The following IDE variants were observed in gnomAD, a reference collection of about 807,000 sequenced individuals.
IDE encodes insulin-degrading enzyme.
Under a neutral mutation model 133.2 loss-of-function variants are expected in IDE, and 58 were observed. The observed-to-expected ratio is 0.44, with a 90% CI of 0.35 to 0.54. The LOEUF is 0.54. Ranked by LOEUF, IDE falls within the 20% of genes least tolerant of loss-of-function variation. The pLI is 0.00. For synonymous variants in IDE, 396 were observed against 421.3 expected, an observed-to-expected ratio of 0.94 and a Z score of 0.73; for missense variants, 981 against 1,234.0, an observed-to-expected ratio of 0.79 and a Z score of 3.07.
chr10:92,512,773 G>C (rs996437235), intron 5 of IDE, among the ~76,000 whole-genome samples: 2 of 151,876 alleles, frequency 1.3e-5, no homozygotes. Context: ...AACTATAAAA[G>C]TAACATTTGC....
chr10:92,506,573 C>CT (rs34053974), intron 9 of IDE, 51 bp from the exon 10 acceptor site: 30,770 of 675,840 alleles, frequency 0.046, 30 homozygotes, highest in South Asian at 0.058. Context: ...ATTTAGAAAC[C>CT]TTTTTTTTTT....
chr10:92,551,698 T>C (rs1462856947), intron 1 of IDE, among the ~76,000 whole-genome samples: 1 of 151,980 alleles, frequency 6.6e-6, no homozygotes, highest in East Asian at 1.9e-4. Flanking sequence ...TGCAAGGGTC[T>C]GAAGGGAGGG....
intron 1 of IDE, chr10:92,573,250 G>C: frequency 3.4e-6 from 3 of 891,682 alleles, no homozygotes; most frequent in Non-Finnish European, 4.0e-6. Flanking sequence ...CCACAATCTC[G>C]GCAGTTGCTG....
chr10:92,455,619 C>T lies in IDE; in HGVS notation c.2921G>A (p.Cys974Tyr). ...DSCPVVGEFP[C>Y]QNDINLSQAP... Reference sequence around the variant, plus strand: ...TTGTGACAAATTTATGTCATTTTGACATGGGAACTCTCCAACAACAGGACC... The same window carrying T: ...TTGTGACAAATTTATGTCATTTTGATATGGGAACTCTCCAACAACAGGACC... Residue 974 changes from cysteine to tyrosine, a missense_variant, in exon 24 of 25, where the codon TGT becomes TAT. Physicochemically the swap from Cys to Tyr is radical, Grantham distance 194 (BLOSUM62 -2). Coordinates refer to ENST00000265986, the MANE Select transcript of IDE (RefSeq NM_004969.4). 6.3e-7 allele frequency: 1 copy of T among 1,599,448 alleles called. No individual in the cohort carries two copies. The highest frequency in any genetic ancestry group is 8.6e-7 in the Non-Finnish European group (1 of 1,167,024).
intron 13 of IDE, among the ~76,000 whole-genome samples, chr10:92,485,272 C>T (rs971050446): frequency 2.0e-5 from 3 of 151,776 alleles, no homozygotes; most frequent in Non-Finnish European, 2.9e-5. Context: ...GGATAAGGCA[C>T]GCGCCACCAC....
intron 1 of IDE, among the ~76,000 whole-genome samples, chr10:92,549,024 G>T (rs561508494): frequency 1.3e-5 from 2 of 152,168 alleles, no homozygotes. Flanking sequence ...TTGGGAGGCT[G>T]AGGCGGGCGG....
intron 10 of IDE, among the ~76,000 whole-genome samples, chr10:92,506,061 C>T (rs976505637): frequency 1.3e-5 from 2 of 152,032 alleles, no homozygotes; most frequent in Non-Finnish European, 2.9e-5. Flanking sequence ...AAATAGGGAT[C>T]GCAGGTAAAA....
intron 1 of IDE, among the ~76,000 whole-genome samples, chr10:92,542,782 G>A (rs1441907371): frequency 2.0e-5 from 3 of 152,154 alleles, no homozygotes; most frequent in Admixed American, 6.5e-5. Flanking sequence ...AACAAGAAGC[G>A]TGGTGCTAAT....
intron 4 of IDE, among the ~76,000 whole-genome samples, chr10:92,522,701 G>A (rs1390620515): frequency 6.6e-6 from 1 of 152,114 alleles, no homozygotes; most frequent in African/African-American, 2.4e-5. Flanking sequence ...CACAGATCCT[G>A]ACTCCAGCAC....
intron 6 of IDE, among the ~76,000 whole-genome samples, chr10:92,509,630 C>G (rs1036078058): frequency 8.6e-5 from 13 of 151,640 alleles, no homozygotes; most frequent in Non-Finnish European, 1.6e-4. Context: ...ACAAAAAACA[C>G]TACATAGGGG....
chr10:92,572,131 G>A (rs1045604227), intron 1 of IDE, among the ~76,000 whole-genome samples: 9 of 152,126 alleles, frequency 5.9e-5, no homozygotes, highest in African/African-American at 1.9e-4. Flanking sequence ...TAACTACAGA[G>A]AAAATGTAAT....
intron 1 of IDE, among the ~76,000 whole-genome samples, chr10:92,565,862 T>C (rs1397309496): frequency 6.6e-6 from 1 of 152,124 alleles, no homozygotes; most frequent in Non-Finnish European, 1.5e-5. Context: ...TCGTGCTACC[T>C]CTAGGAAGAA....
intron 4 of IDE, among the ~76,000 whole-genome samples, chr10:92,525,091 T>C (rs1490732676): frequency 6.6e-6 from 1 of 151,874 alleles, no homozygotes; most frequent in Admixed American, 6.6e-5. Context: ...CAAAACACAG[T>C]CTCTACTAAA....
intron 2 of IDE, among the ~76,000 whole-genome samples, chr10:92,535,134 T>C (rs565939220): frequency 1.3e-5 from 2 of 152,218 alleles, no homozygotes; most frequent in South Asian, 4.1e-4. Flanking sequence ...GACGGAGTCT[T>C]GCTCTGTCGC....
At chr10:92,458,496 T>C (rs906180209) in intron 22 of IDE, among the ~76,000 whole-genome samples, 1 of 80,526 alleles carries the variant, frequency 1.2e-5, no homozygotes, top group South Asian at 9.2e-4. Flanking sequence ...CTCTGTTTTT[T>C]TTTTTTTTTT....
chr10:92,470,029 A>T (rs1170889736), intron 18 of IDE, among the ~76,000 whole-genome samples: 1 of 152,156 alleles, frequency 6.6e-6, no homozygotes, highest in East Asian at 1.9e-4. Context: ...TGATTGCACA[A>T]GGTAGAAAAC....
At position 92,488,621 on chromosome 10, in the gene IDE, C is replaced by T. The variant is rs138635412; in HGVS notation, c.1534-1303G>A. 1.1e-3 allele frequency among the ~76,000 whole-genome samples: 169 copies of T among 151,888 alleles called. 3 individuals carry two copies. In the East Asian group the frequency reaches 0.03, roughly 27 times the overall value. ...TGAAACCTCATATCTATTAAAAATA[C>T]AAAAAATTAGCCGGGTATGGTGGTG... is the stretch of plus-strand genomic sequence containing the variant. On this transcript the variant is annotated intron_variant, in intron 12 of 24. Coordinates refer to ENST00000265986, the MANE Select transcript of IDE (RefSeq NM_004969.4).
chr10:92,483,960 C>T (rs975462922), intron 13 of IDE, among the ~76,000 whole-genome samples: 3 of 152,142 alleles, frequency 2.0e-5, no homozygotes, highest in African/African-American at 7.2e-5. Context: ...TTAAGGCTGG[C>T]CAACAACCAC....
intron 1 of IDE, among the ~76,000 whole-genome samples, chr10:92,570,660 C>G (rs916189180): frequency 6.6e-6 from 1 of 152,102 alleles, no homozygotes; most frequent in Non-Finnish European, 1.5e-5. Context: ...GTGGCTCATG[C>G]CTGTAACCCC....
Sources: allele counts gnomAD v4.1 joint callset (sites outside exome capture counted in the v4.1 genomes callset), GRCh38; gene constraint gnomAD v4.1.1; transcripts MANE v1.5; gene names NCBI Gene and HGNC (gene_info 2026-07-23, HGNC 2026-07-21).